The following KSR2 variants were observed in gnomAD, a reference collection of about 807,000 sequenced individuals.
KSR2 encodes kinase suppressor of ras 2.
A neutral mutation model predicts 107.8 loss-of-function variants in KSR2; 25 were observed. That is an observed-to-expected ratio of 0.23 (90% confidence interval 0.17 to 0.32). The LOEUF (loss-of-function observed/expected upper bound fraction) is 0.32, where lower values mean the gene tolerates loss of function less well. Ranked by LOEUF, KSR2 falls within the 10% of genes least tolerant of loss-of-function variation. The pLI, the probability that KSR2 is intolerant of heterozygous loss-of-function variation, is 1.00. For synonymous variants in KSR2, 480 were observed against 507.0 expected, an observed-to-expected ratio of 0.95 and a Z score of 0.71; for missense variants, 887 against 1,268.9, an observed-to-expected ratio of 0.70 and a Z score of 4.57.
intron 1 of KSR2, among the ~76,000 whole-genome samples, chr12:117,956,047 G>A (rs181171402): frequency 0.011 from 1,721 of 150,970 alleles, 25 homozygotes; most frequent in Middle Eastern, 0.084. Flanking sequence ...TCAGGAAATC[G>A]AGACCATCCT....
At chr12:117,911,789 G>A (rs1283124116) in intron 1 of KSR2, among the ~76,000 whole-genome samples, 3 of 76,994 alleles carry the variant, frequency 3.9e-5, no homozygotes, top group Non-Finnish European at 7.3e-5. Flanking sequence ...CATGAGGATC[G>A]CAAACTCTCA....
chr12:117,879,030 G>C (rs1286283871), intron 1 of KSR2, among the ~76,000 whole-genome samples: 4 of 152,010 alleles, frequency 2.6e-5, no homozygotes, highest in Non-Finnish European at 5.9e-5. Flanking sequence ...GTCATTATGC[G>C]ACCTCAGGCA....
At chr12:117,521,574 G>A (rs1269857876) in intron 14 of KSR2, among the ~76,000 whole-genome samples, 1 of 152,202 alleles carries the variant, frequency 6.6e-6, no homozygotes, top group South Asian at 2.1e-4. Context: ...TGGGTAACTA[G>A]TTGGTTATTA....
At chr12:117,563,215 GATTGGGTA>G (rs1162028533) in intron 7 of KSR2, among the ~76,000 whole-genome samples, 2 of 152,200 alleles carry the variant, frequency 1.3e-5, no homozygotes, top group Non-Finnish European at 2.9e-5. Context: ...CCAAGGTCCT[GATTGGGTA>G]AGTGTCTTTT....
chr12:117,893,830 C>T lies in KSR2; in HGVS notation c.181-33399G>A, dbSNP rs145786186. Among the ~76,000 whole-genome samples, 163 of 151,982 alleles carry T rather than the reference C, an allele frequency of 1.1e-3. 1 individual carries two copies. Among genetic ancestry groups the T allele is most frequent in the East Asian group, 2.9e-3 (15 of 5,174 alleles). On this transcript the variant is annotated intron_variant, in intron 1 of 19. Coordinates refer to ENST00000339824, the MANE Select transcript of KSR2 (RefSeq NM_173598.6). Reference sequence around the variant, plus strand: ...TAAGGAGGCTCCAAAAACTCAGTAACCAAGATAAATATATTTTAACGCAGC... The same window carrying T: ...TAAGGAGGCTCCAAAAACTCAGTAATCAAGATAAATATATTTTAACGCAGC...
chr12:117,905,937 T>C (rs1894829958), intron 1 of KSR2, among the ~76,000 whole-genome samples: 1 of 151,384 alleles, frequency 6.6e-6, no homozygotes, highest in Non-Finnish European at 1.5e-5. Flanking sequence ...ATGATTATAG[T>C]AGTGATCATA....
At chr12:117,941,184 C>T (rs551812636) in intron 1 of KSR2, among the ~76,000 whole-genome samples, 2 of 152,174 alleles carry the variant, frequency 1.3e-5, no homozygotes, top group South Asian at 4.2e-4. Flanking sequence ...ATTGCCAACA[C>T]CTGACATCTC....
intron 5 of KSR2, among the ~76,000 whole-genome samples, chr12:117,645,515 C>G (rs977942798): frequency 2.0e-5 from 3 of 152,190 alleles, no homozygotes; most frequent in African/African-American, 7.2e-5. Flanking sequence ...ATCATCTCCT[C>G]ACTATAGACC....
intron 1 of KSR2, among the ~76,000 whole-genome samples, chr12:117,875,634 G>A (rs1206447061): frequency 6.6e-6 from 1 of 152,086 alleles, no homozygotes; most frequent in Non-Finnish European, 1.5e-5. Flanking sequence ...TCTCCCTAAA[G>A]GTACACATGA....
At chr12:117,896,406 T>A (rs959735735) in intron 1 of KSR2, among the ~76,000 whole-genome samples, 1 of 151,668 alleles carries the variant, frequency 6.6e-6, no homozygotes, top group Non-Finnish European at 1.5e-5. Context: ...TAATGTGAGG[T>A]TCCTCTCAGG....
At chr12:117,642,428 C>A (rs912206763) in intron 5 of KSR2, among the ~76,000 whole-genome samples, 1 of 152,154 alleles carries the variant, frequency 6.6e-6, no homozygotes, top group African/African-American at 2.4e-5. Flanking sequence ...TCAAGGCTTC[C>A]TTCAAGGATC....
intron 1 of KSR2, chr12:117,889,736 A>G (rs1164260006): frequency 6.6e-6 from 1 of 152,216 alleles, no homozygotes; most frequent in African/African-American, 2.4e-5. Context: ...GGAGTTCTCA[A>G]CTGTAAGTGA....
intron 4 of KSR2, among the ~76,000 whole-genome samples, chr12:117,720,059 G>C (rs769221639): frequency 1.3e-4 from 20 of 152,226 alleles, no homozygotes; most frequent in Non-Finnish European, 2.8e-4. Context: ...TGGGAGAGAA[G>C]CTGGGTATAG....
At chr12:117,507,634 A>T (rs1172026795) in intron 14 of KSR2, among the ~76,000 whole-genome samples, 1 of 152,190 alleles carries the variant, frequency 6.6e-6, no homozygotes, top group Non-Finnish European at 1.5e-5. Context: ...ATCTGCCTTC[A>T]GACAGGAATG....
intron 1 of KSR2, among the ~76,000 whole-genome samples, chr12:117,882,638 CA>C: frequency 2.0e-5 from 3 of 151,414 alleles, no homozygotes; most frequent in African/African-American, 7.3e-5. Context: ...TCCATCCATC[CA>C]ACAATCCATC....
chr12:117,626,271 T>C (rs970031639), intron 5 of KSR2, among the ~76,000 whole-genome samples: 3 of 152,178 alleles, frequency 2.0e-5, no homozygotes, highest in Non-Finnish European at 4.4e-5. Context: ...TACTCGTGCT[T>C]CTCTAGTTCT....
intron 4 of KSR2, among the ~76,000 whole-genome samples, chr12:117,760,111 A>G (rs1421327179): frequency 6.6e-6 from 1 of 152,250 alleles, no homozygotes; most frequent in Non-Finnish European, 1.5e-5. Flanking sequence ...CGTCTCAAAA[A>G]AAAAGAAGTT....
chr12:117,924,572 CAAAAAAAAAAAA>C (rs58789868), intron 1 of KSR2, among the ~76,000 whole-genome samples: 513 of 39,552 alleles, frequency 0.013, 8 homozygotes, highest in African/African-American at 0.043. Flanking sequence ...AGCTCCATCT[CAAAAAAAAAAAA>C]AAAAAAAAAA....
Position 117,476,015 on chromosome 12 carries a change from G to A in KSR2, c.2582+449C>T, listed in dbSNP as rs1311405894. ...CGCAGCCCTAGCCAATATCTTGACT[G>A]CAACCTCATAAAAGCCCACTCAGAA... On this transcript the variant is annotated intron_variant, in intron 17 of 19. Transcript: ENST00000339824. 2.6e-5 allele frequency among the ~76,000 whole-genome samples: 4 copies of A among 152,156 alleles called. No individual in the cohort carries two copies. The East Asian group carries it at 5.8e-4, about 22-fold the overall frequency.
Sources: allele counts gnomAD v4.1 joint callset (sites outside exome capture counted in the v4.1 genomes callset), GRCh38; gene constraint gnomAD v4.1.1; transcripts MANE v1.5; gene names NCBI Gene and HGNC (gene_info 2026-07-23, HGNC 2026-07-21).